TSGA10: variants seen among roughly 807,000 people sequenced by gnomAD.
The protein encoded by TSGA10 is testis-specific gene 10 protein.
TSGA10 carries 43 observed loss-of-function variants against 96.6 expected under a neutral mutation model. The observed-to-expected ratio is 0.44, with a 90% CI of 0.35 to 0.57. The LOEUF is 0.57. TSGA10 is among the 20% of genes least tolerant of loss of function. The pLI, the probability that TSGA10 is intolerant of heterozygous loss-of-function variation, is 0.01. For synonymous variants in TSGA10, 229 were observed against 269.9 expected, an observed-to-expected ratio of 0.85 and a Z score of 1.48; for missense variants, 703 against 834.4, an observed-to-expected ratio of 0.84 and a Z score of 1.94.
intron 13 of TSGA10, 37 bp from the exon 14 acceptor site, chr2:99,071,911 T>C: frequency 6.5e-7 from 1 of 1,548,558 alleles, no homozygotes; most frequent in Non-Finnish European, 8.7e-7. Flanking sequence ...AGAAGAGACA[T>C]TTTACTGAAA....
intron 20 of TSGA10, among the ~76,000 whole-genome samples, chr2:99,003,237 A>C (rs1049002130): frequency 1.3e-5 from 2 of 152,202 alleles, no homozygotes; most frequent in Non-Finnish European, 2.9e-5. Flanking sequence ...ATTCAACAAG[A>C]AGAGCTAACT....
intron 16 of TSGA10, among the ~76,000 whole-genome samples, chr2:99,061,769 T>G (rs1346887831): frequency 6.6e-6 from 1 of 152,056 alleles, no homozygotes; most frequent in African/African-American, 2.4e-5. Flanking sequence ...CCCTCCAAAT[T>G]CATACGTTGA....
In TSGA10 at chr2:99,141,167, G is replaced by A; in HGVS notation, c.-621+13526C>T. 3 of 1,257,944 alleles carry A rather than the reference G, an allele frequency of 2.4e-6. 1 individual carries two copies. Among genetic ancestry groups the A allele is most frequent in the Non-Finnish European group, 3.1e-6 (3 of 974,392 alleles). 77.9% of individuals were successfully genotyped at this position (1,257,944 alleles called of 1,614,324 possible). ...CCGCGACTGTCAGCTCTCGGCCTCA[G>A]CGGGGGATACAAGAACCGCCCACTC... On this transcript the variant is annotated intron_variant, in intron 1 of 20. Coordinates refer to ENST00000393483, the MANE Select transcript of TSGA10 (RefSeq NM_025244.4).
intron 15 of TSGA10, among the ~76,000 whole-genome samples, chr2:99,067,374 C>T (rs978780254): frequency 1.3e-5 from 2 of 152,224 alleles, no homozygotes; most frequent in African/African-American, 4.8e-5. Flanking sequence ...CTAAAATCCC[C>T]AGCACTTCGG....
intron 16 of TSGA10, among the ~76,000 whole-genome samples, chr2:99,063,398 C>T (rs1043203525): frequency 1.3e-5 from 2 of 152,214 alleles, no homozygotes; most frequent in African/African-American, 2.4e-5. Flanking sequence ...CAGAACTGAA[C>T]ATGTCTGTTT....
chr2:99,005,060 G>C (rs1175349972), intron 20 of TSGA10, among the ~76,000 whole-genome samples: 5 of 152,176 alleles, frequency 3.3e-5, no homozygotes, highest in African/African-American at 1.2e-4. Context: ...TATCTCAATA[G>C]AGGCAGAAAA....
chr2:99,043,418 C>T (rs1183170111), intron 16 of TSGA10, among the ~76,000 whole-genome samples: 1 of 152,050 alleles, frequency 6.6e-6, no homozygotes, highest in African/African-American at 2.4e-5. Context: ...CACCAACCTA[C>T]ATATAATGAT....
chr2:98,998,690 A>T lies in TSGA10; in HGVS notation c.2073-469T>A, dbSNP rs11676448. On this transcript the variant is annotated intron_variant, in intron 20 of 20. Transcript: ENST00000393483. The stretch of plus-strand genomic sequence containing the variant: ...TTGTGCTGTGTGTGGATTGTAAAAA[A>T]TATATATATACACATACAAACAAAT... 9.4e-3 allele frequency among the ~76,000 whole-genome samples: 1,433 copies of T among 152,184 alleles called. 16 individuals carry two copies. The highest frequency in any genetic ancestry group is 0.045 in the South Asian group (218 of 4,822).
At chr2:99,011,073 T>C (rs990393574) in intron 20 of TSGA10, among the ~76,000 whole-genome samples, 2 of 152,164 alleles carry the variant, frequency 1.3e-5, no homozygotes, top group Non-Finnish European at 2.9e-5. Flanking sequence ...CCTGCCCAAG[T>C]AGAGTCTGAG....
chr2:99,101,398 C>T (rs943444640), intron 10 of TSGA10, among the ~76,000 whole-genome samples: 1 of 151,916 alleles, frequency 6.6e-6, no homozygotes, highest in Admixed American at 6.6e-5. Flanking sequence ...AAAGTCCTGG[C>T]CTCAAGTAAT....
In TSGA10 at chr2:99,027,968, T is replaced by C. The variant is rs1188773920; in HGVS notation, c.1614+7262A>G. 2.0e-5 allele frequency among the ~76,000 whole-genome samples: 3 copies of C among 152,354 alleles called. No homozygotes were observed. In the South Asian group the frequency reaches 6.2e-4, roughly 32 times the overall value. On this transcript the variant is annotated intron_variant, in intron 17 of 20. Transcript: ENST00000393483. ...TTATTTCCTTATTTATTTGTCTGGA[T>C]TGTTTCTATGATGTCTGTTTCCCTT...
chr2:99,145,286 G>A (rs1574759369), intron 1 of TSGA10, among the ~76,000 whole-genome samples: 3 of 152,012 alleles, frequency 2.0e-5, no homozygotes, highest in African/African-American at 7.3e-5. Context: ...TGGCAGGTGC[G>A]GTGACTCACA....
intron 10 of TSGA10, among the ~76,000 whole-genome samples, chr2:99,089,909 G>C (rs1233674604): frequency 1.3e-5 from 2 of 152,264 alleles, no homozygotes; most frequent in East Asian, 3.9e-4. Context: ...TACCATAGCT[G>C]ATGCTCTCTT....
Position 99,070,477 on chromosome 2 carries a change from A to G in TSGA10, c.1107+1229T>C, listed in dbSNP as rs996531889. 7.2e-5 allele frequency among the ~76,000 whole-genome samples: 11 copies of G among 152,170 alleles called. 1 individual carries two copies. The highest frequency in any genetic ancestry group is 2.4e-4 in the African/African-American group (10 of 41,456). ...TATAAAAATAGTGTTAAAATTTTTAAGTGCACTGTATAGCAATTAAAAAAA... is the reference window on the plus strand; with the variant it reads ...TATAAAAATAGTGTTAAAATTTTTAGGTGCACTGTATAGCAATTAAAAAAA... On this transcript the variant is annotated intron_variant, in intron 14 of 20. Transcript: ENST00000393483.
chr2:99,132,203 A>T (rs1411872212), intron 1 of TSGA10, among the ~76,000 whole-genome samples: 1 of 152,070 alleles, frequency 6.6e-6, no homozygotes, highest in Non-Finnish European at 1.5e-5. Flanking sequence ...GAATGGTACC[A>T]GCTCCTCTTT....
At chr2:99,052,207 A>G (rs912347969) in intron 16 of TSGA10, among the ~76,000 whole-genome samples, 2 of 151,956 alleles carry the variant, frequency 1.3e-5, no homozygotes, top group Non-Finnish European at 2.9e-5. Flanking sequence ...TGATTTCTGA[A>G]AAGATAAACA....
At chr2:99,077,533 T>C (rs1002804647) in intron 12 of TSGA10, among the ~76,000 whole-genome samples, 1 of 152,138 alleles carries the variant, frequency 6.6e-6, no homozygotes, top group East Asian at 1.9e-4. Context: ...TATCAGTATC[T>C]CTGCCTTGTT....
intron 15 of TSGA10, among the ~76,000 whole-genome samples, chr2:99,067,771 T>C (rs1369061946): frequency 6.6e-6 from 1 of 151,386 alleles, no homozygotes; most frequent in Non-Finnish European, 1.5e-5. Context: ...CGCTTGAACA[T>C]GGGAGGCAAA....
At chr2:99,016,314 CAGAAT>C (rs1227729356) in intron 20 of TSGA10, among the ~76,000 whole-genome samples, 1 of 152,066 alleles carries the variant, frequency 6.6e-6, no homozygotes, top group Non-Finnish European at 1.5e-5. Context: ...ACCAATGAAA[CAGAAT>C]AGAGAACCCA....
Sources: allele counts gnomAD v4.1 joint callset (sites outside exome capture counted in the v4.1 genomes callset), GRCh38; gene constraint gnomAD v4.1.1; transcripts MANE v1.5; gene names NCBI Gene and HGNC (gene_info 2026-07-23, HGNC 2026-07-21).